Variants in SRRM4 observed in about 807,000 individuals in gnomAD.
SRRM4 encodes serine/arginine repetitive matrix 4, also known as serine/arginine repetitive matrix protein 4.
A neutral mutation model predicts 68.9 loss-of-function variants in SRRM4; 33 were observed. That is an observed-to-expected ratio of 0.48 (90% CI 0.36 to 0.64). SRRM4 has a LOEUF of 0.64. Among genes scored for constraint, SRRM4 ranks in the 30% least tolerant of loss-of-function variants. SRRM4 has a pLI of 0.00. For synonymous variants in SRRM4, 318 were observed against 318.8 expected (o/e 1.00, Z 0.03); for missense variants, 817 against 827.1 (o/e 0.99, Z 0.15).
At chr12:119,031,701 AG>A (rs1439324258) in intron 1 of SRRM4, among the ~76,000 whole-genome samples, 2 of 152,200 alleles carry the variant, frequency 1.3e-5, no homozygotes, top group African/African-American at 4.8e-5. Flanking sequence ...TCAATTTGAT[AG>A]GAAAACCATG....
At chr12:119,156,402 A>T in intron 12 of SRRM4, 93 bp from the exon 13 acceptor site, 1 of 1,461,714 alleles carries the variant, frequency 6.8e-7, no homozygotes, top group Non-Finnish European at 9.0e-7. Context: ...GGGGAAAGGG[A>T]GGATATTGGT....
At chr12:119,148,775 A>C (rs1289289794) in intron 9 of SRRM4, among the ~76,000 whole-genome samples, 1 of 152,250 alleles carries the variant, frequency 6.6e-6, no homozygotes, top group Non-Finnish European at 1.5e-5. Flanking sequence ...CAGCCAAATT[A>C]AGTAATTTAG....
intron 1 of SRRM4, among the ~76,000 whole-genome samples, chr12:119,029,337 T>C (rs1443357027): frequency 6.6e-6 from 1 of 152,178 alleles, no homozygotes; most frequent in African/African-American, 2.4e-5. Context: ...GATGAAGACA[T>C]GAAGATGCAA....
chr12:119,040,243 G>A (rs2136011110), intron 1 of SRRM4, among the ~76,000 whole-genome samples: 1 of 151,740 alleles, frequency 6.6e-6, no homozygotes, highest in African/African-American at 2.4e-5. Flanking sequence ...GGTGGTATTT[G>A]GTTACATGAG....
chr12:119,029,300 T>C (rs1317130392), intron 1 of SRRM4, among the ~76,000 whole-genome samples: 1 of 152,136 alleles, frequency 6.6e-6, no homozygotes, highest in African/African-American at 2.4e-5. Flanking sequence ...CTAAGAGTGA[T>C]TGAAGGCGCT....
intron 1 of SRRM4, among the ~76,000 whole-genome samples, chr12:119,099,327 T>A (rs1954064318): frequency 1.3e-5 from 2 of 152,116 alleles, no homozygotes; most frequent in Admixed American, 1.3e-4. Context: ...AGAGAAAGGG[T>A]TCTGCCATAT....
intron 1 of SRRM4, among the ~76,000 whole-genome samples, chr12:119,037,421 C>T (rs1953636851): frequency 1.3e-5 from 2 of 152,166 alleles, no homozygotes; most frequent in Admixed American, 1.3e-4. Flanking sequence ...GTCACCGGCC[C>T]TTCAGAATGA....
chr12:119,061,911 AT>A (rs1333127137), intron 1 of SRRM4, among the ~76,000 whole-genome samples: 1 of 152,268 alleles, frequency 6.6e-6, no homozygotes, highest in South Asian at 2.1e-4. Context: ...GAGGGAAAAA[AT>A]ATCCCACCTC....
chr12:119,037,136 C>A (rs1953633276), intron 1 of SRRM4, among the ~76,000 whole-genome samples: 1 of 152,050 alleles, frequency 6.6e-6, no homozygotes, highest in East Asian at 1.9e-4. Flanking sequence ...GTGGTTCCCC[C>A]CAGTTCTTGG....
intron 1 of SRRM4, among the ~76,000 whole-genome samples, chr12:119,013,541 T>C (rs1953462660): frequency 6.6e-6 from 1 of 152,246 alleles, no homozygotes; most frequent in South Asian, 2.1e-4. Context: ...ACTACTATTG[T>C]GCTTTCTAAT....
chr12:119,013,690 C>T (rs915084731), intron 1 of SRRM4, among the ~76,000 whole-genome samples: 2 of 151,742 alleles, frequency 1.3e-5, no homozygotes, highest in South Asian at 2.1e-4. Context: ...TTAATGGCTG[C>T]ATTATATTTG....
chr12:119,065,564 GTC>G (rs1565900650), intron 1 of SRRM4, among the ~76,000 whole-genome samples: 1 of 152,028 alleles, frequency 6.6e-6, no homozygotes, highest in African/African-American at 2.4e-5. Flanking sequence ...GTGAAACCCC[GTC>G]TCTACTAAAA....
intron 8 of SRRM4, among the ~76,000 whole-genome samples, chr12:119,136,395 T>C (rs1205689491): frequency 6.6e-6 from 1 of 152,206 alleles, no homozygotes; most frequent in African/African-American, 2.4e-5. Context: ...ATCATCATAG[T>C]TGAGAGAAGG....
At chr12:119,082,135 T>C (rs1409877063) in intron 1 of SRRM4, among the ~76,000 whole-genome samples, 1 of 152,110 alleles carries the variant, frequency 6.6e-6, no homozygotes, top group Non-Finnish European at 1.5e-5. Flanking sequence ...AGGATCAGCC[T>C]CATTATTCGG....
chr12:119,121,682 G>A (rs938087628), intron 5 of SRRM4, among the ~76,000 whole-genome samples: 6 of 152,196 alleles, frequency 3.9e-5, no homozygotes, highest in Non-Finnish European at 8.8e-5. Flanking sequence ...ATGAGCACTT[G>A]TTAAATTGTG....
intron 1 of SRRM4, among the ~76,000 whole-genome samples, chr12:118,986,480 T>G (rs1271393005): frequency 6.6e-6 from 1 of 152,226 alleles, no homozygotes; most frequent in Admixed American, 6.5e-5. Context: ...GTTCAGTGAA[T>G]GTTGGATGCA....
intron 1 of SRRM4, among the ~76,000 whole-genome samples, chr12:119,101,349 G>A (rs1300339080): frequency 1.3e-5 from 2 of 152,188 alleles, no homozygotes; most frequent in African/African-American, 4.8e-5. Context: ...CTCCCATAAA[G>A]ACGTGGGACT....
intron 1 of SRRM4, among the ~76,000 whole-genome samples, chr12:118,987,423 A>G (rs1953289604): frequency 6.6e-6 from 1 of 152,178 alleles, no homozygotes; most frequent in South Asian, 2.1e-4. Flanking sequence ...GAGCAGCTCC[A>G]ATGCTCTGTA....
intron 2 of SRRM4, among the ~76,000 whole-genome samples, chr12:119,104,322 T>C (rs1954094356): frequency 6.6e-6 from 1 of 152,120 alleles, no homozygotes. Context: ...ATACAGCATC[T>C]CTATTGTAGA....
Sources: gnomAD v4.1 joint callset for allele counts (sites outside exome capture counted in the v4.1 genomes callset) on GRCh38, gnomAD v4.1.1 for gene constraint, MANE v1.5 for transcripts, NCBI Gene and HGNC (gene_info 2026-07-23, HGNC 2026-07-21) for gene names.